Variants in ENTPD7 observed in about 807,000 individuals in gnomAD.
ENTPD7 encodes ectonucleoside triphosphate diphosphohydrolase 7.
A neutral mutation model predicts 77.9 loss-of-function variants in ENTPD7; 53 were observed. That is an observed-to-expected ratio of 0.68 (90% CI 0.55 to 0.85). ENTPD7 has a LOEUF of 0.85. Ranked by LOEUF, ENTPD7 falls within the 40% of genes least tolerant of loss-of-function variation. ENTPD7 has a pLI of 0.00. For missense variants in ENTPD7, 636 were observed against 743.7 expected, an observed-to-expected ratio of 0.86 and a Z score of 1.68; for synonymous variants, 248 against 274.9, an observed-to-expected ratio of 0.90 and a Z score of 0.97.
At chr10:99,660,231 G>C (rs1258558679) in intron 2 of ENTPD7, 2 of 826,216 alleles carry the variant, frequency 2.4e-6, no homozygotes, top group Admixed American at 6.2e-5. Context: ...ATTCAGATTC[G>C]CATCTGAGCA....
intron 3 of ENTPD7, among the ~76,000 whole-genome samples, chr10:99,672,873 C>T (rs2035633393): frequency 1.3e-5 from 2 of 152,086 alleles, no homozygotes; most frequent in African/African-American, 4.8e-5. Context: ...GACTTTTGGC[C>T]CATCACTGAG....
intron 8 of ENTPD7, among the ~76,000 whole-genome samples, chr10:99,694,111 T>C (rs1177108464): frequency 6.6e-6 from 1 of 152,132 alleles, no homozygotes; most frequent in East Asian, 1.9e-4. Context: ...GCCACCACTA[T>C]TGAATTCCAG....
Position 99,709,047 on chromosome 10 carries a change from G to A in ENTPD7, c.*4364G>A, listed in dbSNP as rs2036306895. 1 of 982,824 alleles carries A rather than the reference G, an allele frequency of 1.0e-6. No individual in the cohort carries two copies. The highest frequency in any genetic ancestry group is 1.2e-6 in the Non-Finnish European group (1 of 827,682). 60.9% of individuals were successfully genotyped at this position (982,824 alleles called of 1,614,324 possible). On this transcript the variant is annotated 3_prime_UTR_variant, in exon 13 of 13. Coordinates refer to ENST00000370489, the MANE Select transcript of ENTPD7 (RefSeq NM_020354.5). ...CCAAGTTTTCACTACATCTATTCTT[G>A]TTCCTGTATTTCTTTTCGTACTTTT... is the stretch of plus-strand genomic sequence containing the variant.
rs1474904504 is a variant in ENTPD7, at chr10:99,707,881, T to G, written c.*3198T>G. ...CTCTCTGTACTTTAGCTCCTTGAAT[T>G]TCCTTAATCTGGGAAACTTTTGTTC... On this transcript the variant is annotated 3_prime_UTR_variant, in exon 13 of 13. Transcript: ENST00000370489. Among the ~76,000 whole-genome samples the G allele has an allele frequency of 6.6e-6, 1 of 152,234 alleles. No homozygotes were observed. Among genetic ancestry groups the G allele is most frequent in the Non-Finnish European group, 1.5e-5 (1 of 68,046 alleles).
chr10:99,672,027 T>C (rs886810969), intron 3 of ENTPD7, among the ~76,000 whole-genome samples: 1 of 152,218 alleles, frequency 6.6e-6, no homozygotes, highest in African/African-American at 2.4e-5. Flanking sequence ...AGATTTTTGA[T>C]GGTGAAATTG....
intron 5 of ENTPD7, among the ~76,000 whole-genome samples, chr10:99,682,047 T>C (rs2035760804): frequency 6.6e-6 from 1 of 152,200 alleles, no homozygotes; most frequent in Admixed American, 6.5e-5. Context: ...TAGTCTTACT[T>C]GTTTATTTTT....
At chr10:99,699,752 GATGGGGTTTTGCC>G (rs973910087) in intron 10 of ENTPD7, among the ~76,000 whole-genome samples, 7 of 152,060 alleles carry the variant, frequency 4.6e-5, no homozygotes, top group African/African-American at 1.4e-4. Flanking sequence ...TTTTAATAGA[GATGGGGTTTTGCC>G]ATGTTGGCCA....
chr10:99,676,921 T>C (rs2035688036), intron 3 of ENTPD7, among the ~76,000 whole-genome samples: 1 of 152,228 alleles, frequency 6.6e-6, no homozygotes, highest in South Asian at 2.1e-4. Context: ...CAGTTCCCTG[T>C]TCTCTTTTTT....
chr10:99,661,529 T>G lies in ENTPD7; in HGVS notation c.92T>G (p.Phe31Cys). ...CCATTTCTCCGTCAGCGGGTGGCAT[T>G]CCTGGGACTCTTCTTCATATCCTGT... Reference protein sequence around the residue: ...VSPFLRQRVAFLGLFFISCLL... With the variant: ...VSPFLRQRVACLGLFFISCLL... Residue 31 changes from phenylalanine (F) to cysteine (C), a missense_variant, in exon 3 of 13, where the codon TTC becomes TGC. Coordinates refer to ENST00000370489, the MANE Select transcript of ENTPD7 (RefSeq NM_020354.5). The G allele has an allele frequency of 6.2e-7, 1 of 1,614,026 alleles. No homozygotes were observed. The highest frequency in any genetic ancestry group is 8.5e-7 in the Non-Finnish European group (1 of 1,179,976).
At chr10:99,686,034 G>T (rs2035807395) in intron 6 of ENTPD7, 139 bp downstream of exon 6, 1 of 567,912 alleles carries the variant, frequency 1.8e-6, no homozygotes, top group Non-Finnish European at 3.0e-6. Flanking sequence ...CTACATAGTT[G>T]ATTTGATTAT....
chr10:99,694,498 A>G (rs1421089406), intron 8 of ENTPD7, among the ~76,000 whole-genome samples: 2 of 151,022 alleles, frequency 1.3e-5, no homozygotes, highest in Non-Finnish European at 2.9e-5. Context: ...GCTGCTGTGA[A>G]CATTCATATA....
intron 8 of ENTPD7, among the ~76,000 whole-genome samples, chr10:99,693,813 G>A (rs1288802429): frequency 6.6e-6 from 1 of 152,006 alleles, no homozygotes; most frequent in African/African-American, 2.4e-5. Flanking sequence ...TGCTACTCAG[G>A]AGGCTGAGGC....
intron 12 of ENTPD7, 23 bp from the exon 13 acceptor site, chr10:99,704,429 A>C: frequency 3.1e-6 from 5 of 1,613,162 alleles, no homozygotes; most frequent in Non-Finnish European, 4.2e-6. Flanking sequence ...TTTTCCACCT[A>C]CAAATTCTTA....
intron 8 of ENTPD7, among the ~76,000 whole-genome samples, chr10:99,695,247 G>C (rs139570024): frequency 6.6e-6 from 1 of 152,098 alleles, no homozygotes; most frequent in Non-Finnish European, 1.5e-5. Context: ...CCACAGAACC[G>C]GGCACAGTGG....
chr10:99,709,492 G>A lies in ENTPD7; in HGVS notation c.*4809G>A, dbSNP rs2036317100. On this transcript the variant is annotated 3_prime_UTR_variant, in exon 13 of 13. Coordinates refer to ENST00000370489, the MANE Select transcript of ENTPD7 (RefSeq NM_020354.5). ...AAAAATATTGCTGTTAAAAAACTAA[G>A]ACTCAAAACCAAAAGTTGTGATTAA... 1 of 984,950 alleles carries A rather than the reference G, an allele frequency of 1.0e-6. No homozygotes were observed. The highest frequency in any genetic ancestry group is 1.7e-5 in the African/African-American group (1 of 57,208). 61.0% of individuals were successfully genotyped at this position (984,950 alleles called of 1,614,324 possible).
Position 99,708,912 on chromosome 10 carries a change from G to A in ENTPD7, c.*4229G>A, listed in dbSNP as rs982313344. 5 of 985,220 alleles carry A rather than the reference G, an allele frequency of 5.1e-6. No homozygotes were observed. Among genetic ancestry groups the A allele is most frequent in the African/African-American group, 3.5e-5 (2 of 57,300 alleles). 61.0% of individuals were successfully genotyped at this position (985,220 alleles called of 1,614,324 possible). On this transcript the variant is annotated 3_prime_UTR_variant, in exon 13 of 13. Transcript: ENST00000370489. The stretch of plus-strand genomic sequence containing the variant: ...GAATCTATTTTTTATAAAACAGCTG[G>A]CCACAACTAACCATGCCCCATCTTT...
In ENTPD7 at chr10:99,689,382, C is replaced by T. The variant is rs2035852897; in HGVS notation, c.709+632C>T. On this transcript the variant is annotated intron_variant, in intron 7 of 12. Transcript: ENST00000370489. ...TCTATAATTGTTAACCTTACCACCTCACTCCCCTGCCTTTAAAAGCAAGAA... is the reference window on the plus strand; with the variant it reads ...TCTATAATTGTTAACCTTACCACCTTACTCCCCTGCCTTTAAAAGCAAGAA... Among the ~76,000 whole-genome samples the T allele has an allele frequency of 2.0e-5, 3 of 152,118 alleles. 1 individual carries two copies. Among genetic ancestry groups the T allele is most frequent in the Non-Finnish European group, 4.4e-5 (3 of 68,014 alleles).
chr10:99,685,516 T>G (rs945602724), intron 5 of ENTPD7, among the ~76,000 whole-genome samples: 1 of 152,200 alleles, frequency 6.6e-6, no homozygotes, highest in African/African-American at 2.4e-5. Flanking sequence ...AGAACCGTAG[T>G]CTCATAGCCT....
intron 11 of ENTPD7, among the ~76,000 whole-genome samples, chr10:99,702,231 C>T (rs1329204005): frequency 1.3e-5 from 2 of 152,038 alleles, no homozygotes; most frequent in Admixed American, 1.3e-4. Context: ...TAATCCCAAA[C>T]ATCCTATAAT....
Sources: allele counts gnomAD v4.1 joint callset (sites outside exome capture counted in the v4.1 genomes callset), GRCh38; gene constraint gnomAD v4.1.1; transcripts MANE v1.5; gene names NCBI Gene and HGNC (gene_info 2026-07-23, HGNC 2026-07-21).